Variants in MAN1A2 observed in about 807,000 individuals in gnomAD.
MAN1A2 encodes mannosyl-oligosaccharide 1,2-alpha-mannosidase IB.
A neutral mutation model predicts 75.7 loss-of-function variants in MAN1A2; 26 were observed. The ratio of observed to expected loss-of-function variants is 0.34; its 90% CI spans 0.25 to 0.48. The LOEUF (loss-of-function observed/expected upper bound fraction) is 0.48. MAN1A2 is among the 20% of genes least tolerant of loss of function. MAN1A2 has a pLI of 0.99. For synonymous variants in MAN1A2, 247 were observed against 264.6 expected (o/e 0.93, Z 0.65); for missense variants, 562 against 775.5 (o/e 0.72, Z 3.27).
intron 12 of MAN1A2, among the ~76,000 whole-genome samples, chr1:117,507,480 C>CA (rs1414947430): frequency 6.6e-6 from 1 of 151,066 alleles, no homozygotes; most frequent in Non-Finnish European, 1.5e-5. Flanking sequence ...GGATATAAAC[C>CA]AAAAAAGAAG....
chr1:117,479,699 TG>T (rs1211013516), intron 8 of MAN1A2, among the ~76,000 whole-genome samples: 5 of 152,004 alleles, frequency 3.3e-5, no homozygotes, highest in Admixed American at 6.6e-5. Flanking sequence ...TGATCAGTGA[TG>T]TTGAGCTTTG....
At chr1:117,393,827 G>A (rs1653814984) in intron 1 of MAN1A2, among the ~76,000 whole-genome samples, 1 of 152,138 alleles carries the variant, frequency 6.6e-6, no homozygotes, top group Non-Finnish European at 1.5e-5. Flanking sequence ...AGAAATCTTA[G>A]CAAGGTAGTA....
intron 10 of MAN1A2, among the ~76,000 whole-genome samples, chr1:117,497,866 A>G (rs1651079368): frequency 6.6e-6 from 1 of 151,880 alleles, no homozygotes; most frequent in Non-Finnish European, 1.5e-5. Context: ...AGAAATTTCT[A>G]TTTGATTTCG....
At chr1:117,501,552 C>T (rs1651201562) in intron 11 of MAN1A2, among the ~76,000 whole-genome samples, 1 of 151,716 alleles carries the variant, frequency 6.6e-6, no homozygotes, top group African/African-American at 2.4e-5. Context: ...CATGCCTCCC[C>T]ACTACTTTCT....
At chr1:117,478,290 T>C (rs1650384209) in intron 8 of MAN1A2, among the ~76,000 whole-genome samples, 1 of 151,986 alleles carries the variant, frequency 6.6e-6, no homozygotes, top group African/African-American at 2.4e-5. Context: ...ATTTTCTTAA[T>C]TGTTGAGTTT....
At chr1:117,503,294 G>C (rs1028393468) in intron 12 of MAN1A2, among the ~76,000 whole-genome samples, 3 of 151,428 alleles carry the variant, frequency 2.0e-5, no homozygotes, top group Non-Finnish European at 3.0e-5. Flanking sequence ...CTGGAGTTTA[G>C]CTTAAAAATT....
intron 12 of MAN1A2, among the ~76,000 whole-genome samples, chr1:117,507,797 A>C (rs1469559500): frequency 6.6e-6 from 1 of 151,664 alleles, no homozygotes; most frequent in South Asian, 2.1e-4. Context: ...GAAGAGCTAA[A>C]TGGTACTACT....
At chr1:117,430,200 GGCGGGGGGCTGA>G (rs1557947100) in intron 5 of MAN1A2, among the ~76,000 whole-genome samples, 1 of 80,106 alleles carries the variant, frequency 1.2e-5, no homozygotes, top group Admixed American at 9.9e-5. Context: ...CGGCTGGCCG[GGCGGGGGGCTGA>G]CCCCCCCACC....
intron 5 of MAN1A2, among the ~76,000 whole-genome samples, chr1:117,433,833 C>T (rs1648760010): frequency 6.6e-6 from 1 of 152,174 alleles, no homozygotes; most frequent in Admixed American, 6.5e-5. Flanking sequence ...AGCTGAATTG[C>T]TAAATGGATT....
At chr1:117,428,113 A>C (rs200862404) in intron 5 of MAN1A2, among the ~76,000 whole-genome samples, 20 of 113,912 alleles carry the variant, frequency 1.8e-4, no homozygotes, top group South Asian at 1.1e-3. Flanking sequence ...CTCTCTCTCT[A>C]TTTTTTTTTT....
At chr1:117,472,363 A>G (rs1650187175) in intron 8 of MAN1A2, among the ~76,000 whole-genome samples, 1 of 152,020 alleles carries the variant, frequency 6.6e-6, no homozygotes, top group African/African-American at 2.4e-5. Flanking sequence ...ATTAATATCA[A>G]TTTTATGTGT....
chr1:117,480,947 C>T (rs962458801), intron 8 of MAN1A2, among the ~76,000 whole-genome samples: 2 of 151,874 alleles, frequency 1.3e-5, no homozygotes, highest in Non-Finnish European at 2.9e-5. Context: ...TCGTTACCTA[C>T]ACCTTTCCCT....
At chr1:117,480,680 C>T (rs1650469349) in intron 8 of MAN1A2, among the ~76,000 whole-genome samples, 1 of 151,770 alleles carries the variant, frequency 6.6e-6, no homozygotes, top group Non-Finnish European at 1.5e-5. Flanking sequence ...CTTTTTCTAA[C>T]AGTTGCCCTT....
intron 11 of MAN1A2, among the ~76,000 whole-genome samples, chr1:117,501,936 C>A (rs549912795): frequency 4.0e-5 from 6 of 151,898 alleles, no homozygotes; most frequent in African/African-American, 1.2e-4. Flanking sequence ...TTCCACTTTT[C>A]ATGATTGGTT....
At chr1:117,455,298 A>G (rs1258547819) in intron 6 of MAN1A2, among the ~76,000 whole-genome samples, 2 of 152,268 alleles carry the variant, frequency 1.3e-5, no homozygotes, top group East Asian at 1.9e-4. Flanking sequence ...AACATGCAAG[A>G]CTAATCAGTA....
intron 1 of MAN1A2, among the ~76,000 whole-genome samples, chr1:117,369,901 G>C (rs1207314849): frequency 6.6e-6 from 1 of 152,110 alleles, no homozygotes; most frequent in African/African-American, 2.4e-5. Context: ...TGTTTTTAGA[G>C]CTGTTTCACA....
At chr1:117,402,154 C>T in intron 1 of MAN1A2, 32 bp from the exon 2 acceptor site, 12 of 1,583,570 alleles carry the variant, frequency 7.6e-6, no homozygotes, top group Non-Finnish European at 9.4e-6. Flanking sequence ...AGTAGGCTCA[C>T]TGTTACGTTT....
At chr1:117,512,682 G>A (rs923449716) in intron 12 of MAN1A2, among the ~76,000 whole-genome samples, 5 of 150,902 alleles carry the variant, frequency 3.3e-5, no homozygotes, top group African/African-American at 4.9e-5. Context: ...GACCAGAACC[G>A]TGGTCTTTAC....
chr1:117,392,185 T>C (rs944738463), intron 1 of MAN1A2, among the ~76,000 whole-genome samples: 20 of 152,102 alleles, frequency 1.3e-4, no homozygotes, highest in African/African-American at 4.6e-4. Flanking sequence ...CTTGCATTTT[T>C]CCCCAGGCTG....
Sources: gnomAD v4.1 joint callset for allele counts (sites outside exome capture counted in the v4.1 genomes callset) on GRCh38, gnomAD v4.1.1 for gene constraint, MANE v1.5 for transcripts, NCBI Gene and HGNC (gene_info 2026-07-23, HGNC 2026-07-21) for gene names.